Variants in STARD9 observed in about 807,000 individuals in gnomAD.
STARD9 encodes the protein stAR-related lipid transfer protein 9.
Under a neutral mutation model 399.8 loss-of-function variants are expected in STARD9, and 346 were observed. That is an observed-to-expected ratio of 0.87 (90% CI 0.79 to 0.95). The LOEUF (loss-of-function observed/expected upper bound fraction) is 0.95, where lower values mean the gene tolerates loss of function less well. Ranked by LOEUF, STARD9 falls within the 40% of genes least tolerant of loss-of-function variation. The pLI is 0.00. For synonymous variants in STARD9, 2,203 were observed against 2,143.5 expected (o/e 1.03, Z -0.77); for missense variants, 5,832 against 5,667.5 (o/e 1.03, Z -0.93).
intron 22 of STARD9, among the ~76,000 whole-genome samples, chr15:42,683,094 C>A (rs1386267428): frequency 1.3e-5 from 2 of 152,198 alleles, no homozygotes; most frequent in Non-Finnish European, 2.9e-5. Context: ...TTCTTACATG[C>A]CATCAAGGCA....
Position 42,691,974 on chromosome 15 carries a change from A to G in STARD9, c.10396A>G (p.Ile3466Val). The G allele has an allele frequency of 2.6e-6, 4 of 1,537,264 alleles. No individual in the cohort carries two copies. The highest frequency in any genetic ancestry group is 3.5e-6 in the Non-Finnish European group (4 of 1,146,900). ...AATGCTGCACTTTGGCTCCAGTGACATCAGTCCCTATGCGCTGCCGTGGCG... is the reference window on the plus strand; with the variant it reads ...AATGCTGCACTTTGGCTCCAGTGACGTCAGTCCCTATGCGCTGCCGTGGCG... ...KGMLHFGSSD[I>V]SPYALPWRPE... Residue 3466 changes from isoleucine to valine, a missense_variant, in exon 23 of 33, where the codon ATC (isoleucine) becomes GTC (valine). Coordinates refer to ENST00000290607, the MANE Select transcript of STARD9 (RefSeq NM_020759.3).
intron 3 of STARD9, among the ~76,000 whole-genome samples, chr15:42,618,700 G>A (rs2059022418): frequency 6.6e-6 from 1 of 151,910 alleles, no homozygotes; most frequent in Non-Finnish European, 1.5e-5. Context: ...GGGTTCAAGC[G>A]ATTCTCCTGC....
Position 42,705,764 on chromosome 15 carries a change from A to G in STARD9, c.13284+9884A>G, listed in dbSNP as rs116417375. Among the ~76,000 whole-genome samples, 1,049 of 144,780 alleles carry G rather than the reference A, an allele frequency of 7.2e-3. 15 individuals carry two copies. Among genetic ancestry groups the G allele is most frequent in the African/African-American group, 0.025 (978 of 38,768 alleles). 95.0% of individuals were successfully genotyped at this position (144,780 alleles called of 152,430 possible). ...CCTGTTGTTTGTTTGTTTATTTTTT[A>G]TTTTTTGAGATGGAGTCTCACTCTC... is the stretch of plus-strand genomic sequence containing the variant. On this transcript the variant is annotated intron_variant, in intron 26 of 32. Transcript: ENST00000290607.
Position 42,687,886 on chromosome 15 carries a change from G to T in STARD9, c.6308G>T (p.Ser2103Ile). 6.5e-7 allele frequency: 1 copy of T among 1,537,206 alleles called. No individual in the cohort carries two copies. The highest frequency in any genetic ancestry group is 8.7e-7 in the Non-Finnish European group (1 of 1,146,926). Residue 2103 changes from serine (S) to isoleucine (I), a missense_variant, in exon 23 of 33, where the codon AGC becomes ATC. Ser to Ile is a moderately radical substitution (Grantham distance 142). Around this residue, in one of 2 missense-constraint regions of STARD9, gnomAD observed 5,828 missense variants for 5,651.1 expected, o/e 1.03. Coordinates refer to ENST00000290607, the MANE Select transcript of STARD9 (RefSeq NM_020759.3). The stretch of plus-strand genomic sequence containing the variant: ...ACTGACCATGCCTTTAGGCCAGACA[G>T]CTCTGGAAACCCTTTGCCCTCTAAG... ...EKTDHAFRPD[S>I]SGNPLPSKDQ...
chr15:42,649,054 G>T (rs1052362211), intron 7 of STARD9, among the ~76,000 whole-genome samples: 33 of 151,766 alleles, frequency 2.2e-4, no homozygotes, highest in Non-Finnish European at 4.4e-4. Flanking sequence ...CTTTGAGATG[G>T]AGCCTCGCTG....
intron 3 of STARD9, among the ~76,000 whole-genome samples, chr15:42,616,726 C>T (rs1253503915): frequency 1.3e-5 from 2 of 151,730 alleles, no homozygotes; most frequent in Non-Finnish European, 2.9e-5. Context: ...CCCATCTCTA[C>T]TAAAAATACA....
At chr15:42,638,226 A>G in intron 6 of STARD9, 139 bp downstream of exon 6, 1 of 757,964 alleles carries the variant, frequency 1.3e-6, no homozygotes, top group South Asian at 1.7e-5. Context: ...TTGCAGTACA[A>G]GAGCTGAGAA....
chr15:42,626,712 G>A (rs189664187), intron 3 of STARD9, among the ~76,000 whole-genome samples: 18 of 148,288 alleles, frequency 1.2e-4, no homozygotes, highest in East Asian at 4.0e-4. Context: ...GGGTTTCACC[G>A]TGTTGGTCAG....
intron 16 of STARD9, among the ~76,000 whole-genome samples, chr15:42,673,462 G>A (rs925991470): frequency 2.4e-4 from 36 of 152,012 alleles, no homozygotes; most frequent in Non-Finnish European, 3.2e-4. Flanking sequence ...TTATGAAGTC[G>A]AAAAAGCTGC....
intron 7 of STARD9, among the ~76,000 whole-genome samples, chr15:42,641,784 A>T (rs1377585121): frequency 6.6e-6 from 1 of 151,850 alleles, no homozygotes; most frequent in East Asian, 1.9e-4. Context: ...TTTTATTTTT[A>T]GTAGAGATGG....
intron 3 of STARD9, among the ~76,000 whole-genome samples, chr15:42,617,422 G>T (rs192196303): frequency 2.6e-5 from 4 of 152,194 alleles, no homozygotes; most frequent in South Asian, 2.1e-4. Context: ...GAGTACAGTG[G>T]CACGATGTTG....
At chr15:42,638,137 A>C in intron 6 of STARD9, 50 bp downstream of exon 6, 1 of 1,469,816 alleles carries the variant, frequency 6.8e-7, no homozygotes, top group Non-Finnish European at 9.2e-7. Flanking sequence ...CTTCTACTCC[A>C]AATTCTACCA....
At chr15:42,585,395 A>G (rs2058254359) in intron 2 of STARD9, 126 bp from the exon 3 acceptor site, 2 of 551,302 alleles carry the variant, frequency 3.6e-6, no homozygotes, top group Non-Finnish European at 6.4e-6. Flanking sequence ...CTTTTTCAGG[A>G]AGATAATATA....
intron 3 of STARD9, among the ~76,000 whole-genome samples, chr15:42,599,048 C>G (rs1041745638): frequency 7.9e-5 from 12 of 152,086 alleles, no homozygotes; most frequent in Non-Finnish European, 1.5e-4. Flanking sequence ...CTCAGCCTCC[C>G]AAGTAGCTGG....
In STARD9 at chr15:42,681,524, T is replaced by C; in HGVS notation, c.1977T>C (p.Asp659=). The C allele has an allele frequency of 6.5e-7, 1 of 1,536,926 alleles. No homozygotes were observed. The highest frequency in any genetic ancestry group is 8.7e-7 in the Non-Finnish European group (1 of 1,146,786). ...QIQQQQSYVE[D]LRHQILAEEI... ...AGCAGCAGCAGAGCTACGTAGAGGA[T>C]TTGAGGCATCAAATCCTAGCAGAAG... Residue 659 remains aspartate, a synonymous_variant, in exon 21 of 33, where the codon GAT becomes GAC. Coordinates refer to ENST00000290607, the MANE Select transcript of STARD9 (RefSeq NM_020759.3).
chr15:42,598,763 T>A (rs1490989363), intron 3 of STARD9, among the ~76,000 whole-genome samples: 1 of 152,202 alleles, frequency 6.6e-6, no homozygotes, highest in Non-Finnish European at 1.5e-5. Flanking sequence ...AAATTATCAT[T>A]AGTTGTAATT....
At chr15:42,652,437 A>G in intron 8 of STARD9, 83 bp from the exon 9 acceptor site, 19 of 1,169,824 alleles carry the variant, frequency 1.6e-5, no homozygotes, top group Non-Finnish European at 2.3e-5. Flanking sequence ...CAGCACTAAC[A>G]TTTCTTGTAT....
At chr15:42,620,382 G>C (rs2059064461) in intron 3 of STARD9, among the ~76,000 whole-genome samples, 1 of 151,940 alleles carries the variant, frequency 6.6e-6, no homozygotes, top group Non-Finnish European at 1.5e-5. Context: ...TCCAGAGGCT[G>C]AGGCAGGAGG....
chr15:42,660,108 C>T (rs975105806), intron 9 of STARD9, among the ~76,000 whole-genome samples: 3 of 152,168 alleles, frequency 2.0e-5, no homozygotes, highest in Middle Eastern at 3.4e-3. Context: ...GCTAGATGTA[C>T]GATTCTATTT....
Sources: gnomAD v4.1 joint callset for allele counts (sites outside exome capture counted in the v4.1 genomes callset) on GRCh38, gnomAD v4.1.1 for gene constraint, gnomAD v4.1.1 regional missense constraint, MANE v1.5 for transcripts, NCBI Gene and HGNC (gene_info 2026-07-23, HGNC 2026-07-21) for gene names.